Variants in ZFX observed in about 807,000 individuals in gnomAD.
The protein encoded by ZFX is zinc finger X-chromosomal protein.
For synonymous variants in ZFX, 196 were observed against 226.8 expected (o/e 0.86, Z 1.22); for missense variants, 362 against 628.3 (o/e 0.58, Z 4.53).
chrX:24,180,701 A>G (rs1935609304), intron 5 of ZFX, among the ~76,000 whole-genome samples: 1 of 111,962 alleles, frequency 8.9e-6, no homozygotes, highest in Admixed American at 9.5e-5. Context: ...TTGAATATGG[A>G]TACACGGTAC....
chrX:24,210,167 C>T, intron 9 of ZFX, 26 bp from the exon 10 acceptor site: 1 of 1,210,825 alleles, frequency 8.3e-7, no homozygotes, highest in Non-Finnish European at 1.1e-6. Context: ...TTTGAGCACT[C>T]ATACTCCTTT....
intron 5 of ZFX, among the ~76,000 whole-genome samples, chrX:24,187,202 G>A (rs1936188292): frequency 9.0e-6 from 1 of 111,596 alleles, no homozygotes; most frequent in Admixed American, 9.5e-5. Flanking sequence ...CTGCAGCCTC[G>A]AATAATAGCT....
At chrX:24,193,797 G>T (rs1936705584) in intron 5 of ZFX, among the ~76,000 whole-genome samples, 1 of 111,766 alleles carries the variant, frequency 8.9e-6, no homozygotes, top group Non-Finnish European at 1.9e-5. Context: ...TAAAATTATT[G>T]TTTTTTAATT....
intron 2 of ZFX, among the ~76,000 whole-genome samples, chrX:24,152,138 A>AT (rs76741578): frequency 0.015 from 1,483 of 100,021 alleles, 28 homozygotes; most frequent in African/African-American, 0.044. Context: ...TCCCGTGGTA[A>AT]TTTTTTTTTT....
At chrX:24,179,826 AT>A in intron 5 of ZFX, 56 bp downstream of exon 5, 2 of 1,055,090 alleles carry the variant, frequency 1.9e-6, no homozygotes. Context: ...GCCTCTTCTA[AT>A]TTACATCAGG....
chrX:24,196,235 C>T (rs1299296900), intron 5 of ZFX, among the ~76,000 whole-genome samples: 1 of 111,384 alleles, frequency 9.0e-6, no homozygotes, highest in Non-Finnish European at 1.9e-5. Context: ...GCCTCAGTCT[C>T]CCGAGTAGCT....
At chrX:24,160,297 G>A (rs1394993396) in intron 3 of ZFX, among the ~76,000 whole-genome samples, 1 of 86,519 alleles carries the variant, frequency 1.2e-5, no homozygotes, top group Non-Finnish European at 2.2e-5. Context: ...AAATTGAAAT[G>A]CTTTTTTTTT....
At chrX:24,185,956 C>T (rs775006045) in intron 5 of ZFX, among the ~76,000 whole-genome samples, 9 of 106,635 alleles carry the variant, frequency 8.4e-5, no homozygotes, top group African/African-American at 3.0e-4. Flanking sequence ...CAACCCCTCC[C>T]AAAACCCCCC....
Position 24,181,556 on chromosome X carries a change from T to C in ZFX, c.646+1786T>C, listed in dbSNP as rs777451390. On this transcript the variant is annotated intron_variant, in intron 5 of 9. Transcript: ENST00000304543. ...AAGTTCTGGCCTTTGCTGATATTGC[T>C]GATAATGATGGGAACTTTAGGATAC... Among the ~76,000 whole-genome samples the C allele has an allele frequency of 2.0e-4, 22 of 112,261 alleles. No homozygotes were observed. The East Asian group carries it at 5.3e-3, about 27-fold the overall frequency.
chrX:24,157,312 G>A (rs766163621), intron 3 of ZFX, among the ~76,000 whole-genome samples: 140 of 111,992 alleles, frequency 1.3e-3, no homozygotes, highest in Middle Eastern at 4.6e-3. Context: ...TGACTTATAT[G>A]TATTGATCAC....
rs765680420 is a variant in ZFX, at chrX:24,157,380, T to A, written c.-29+4550T>A. Among the ~76,000 whole-genome samples the A allele has an allele frequency of 3.6e-5, 4 of 112,104 alleles. No homozygotes were observed. The South Asian group carries it at 1.5e-3, about 42-fold the overall frequency. On this transcript the variant is annotated intron_variant, in intron 3 of 9. Transcript: ENST00000304543. ...GATTCTGAGGTACACTTTTCCCCCC[T>A]ACATCTTCACATATCTGAAGTCAAA...
At chrX:24,202,594 T>A (rs138508298) in intron 5 of ZFX, among the ~76,000 whole-genome samples, 2,223 of 111,511 alleles carry the variant, frequency 0.02, 53 homozygotes, top group African/African-American at 0.069. Flanking sequence ...CTTCATGCCC[T>A]TCTACTGCCC....
chrX:24,155,341 T>G (rs1213341151), intron 3 of ZFX, among the ~76,000 whole-genome samples: 1 of 111,670 alleles, frequency 9.0e-6, no homozygotes, highest in African/African-American at 3.3e-5. Flanking sequence ...TTTTTAAGAG[T>G]GCAAAGGAGT....
chrX:24,178,316 T>C (rs1935348252), intron 4 of ZFX, among the ~76,000 whole-genome samples: 1 of 97,664 alleles, frequency 1.0e-5, no homozygotes, highest in Admixed American at 1.1e-4. Context: ...TGAGACGGAG[T>C]CTCACTCTGT....
At chrX:24,155,401 A>G (rs920201761) in intron 3 of ZFX, among the ~76,000 whole-genome samples, 1 of 111,594 alleles carries the variant, frequency 9.0e-6, no homozygotes, top group Admixed American at 9.5e-5. Flanking sequence ...TTTTATTTGT[A>G]TTTCAGTGTA....
At chrX:24,175,320 G>A (rs1935024662) in intron 4 of ZFX, 1 of 111,819 alleles carries the variant, frequency 8.9e-6, no homozygotes, top group Non-Finnish European at 1.9e-5. Flanking sequence ...TTATCTTTGA[G>A]CAAGTCACTT....
intron 5 of ZFX, among the ~76,000 whole-genome samples, chrX:24,200,222 A>G (rs997198278): frequency 7.2e-5 from 8 of 111,381 alleles, no homozygotes. Flanking sequence ...GGGAGGTGGT[A>G]TTAGACATTT....
intron 3 of ZFX, among the ~76,000 whole-genome samples, chrX:24,157,784 C>CT (rs1403508683): frequency 1.8e-5 from 2 of 111,221 alleles, no homozygotes; most frequent in Non-Finnish European, 1.9e-5. Context: ...TATTTTGCTT[C>CT]TTTTTTTTCT....
intron 4 of ZFX, among the ~76,000 whole-genome samples, chrX:24,177,445 G>A (rs1431149168): frequency 9.0e-6 from 1 of 110,915 alleles, no homozygotes; most frequent in Non-Finnish European, 1.9e-5. Context: ...TATGTTCCGA[G>A]GAACTGCCTT....
Sources: allele counts gnomAD v4.1 joint callset (sites outside exome capture counted in the v4.1 genomes callset), GRCh38; gene constraint gnomAD v4.1.1; transcripts MANE v1.5; gene names NCBI Gene and HGNC (gene_info 2026-07-23, HGNC 2026-07-21).